ADCY4: variants seen among roughly 807,000 people sequenced by gnomAD.
The protein encoded by ADCY4 is adenylate cyclase 4.
Under a neutral mutation model 125.5 loss-of-function variants are expected in ADCY4, and 111 were observed. The observed-to-expected ratio is 0.88, with a 90% CI of 0.76 to 1.04. ADCY4 has a LOEUF of 1.04. Among genes scored for constraint, ADCY4 ranks in the 50% least tolerant of loss-of-function variants. ADCY4 has a pLI of 0.00. For missense variants in ADCY4, 1,256 were observed against 1,382.9 expected (o/e 0.91, Z 1.46); for synonymous variants, 576 against 586.9 (o/e 0.98, Z 0.27).
rs1354419711 is a variant in ADCY4, at chr14:24,330,951, C to T, written c.930+67G>A. The T allele has an allele frequency of 4.1e-6, 6 of 1,455,906 alleles. No homozygotes were observed. The Admixed American group carries it at 1.3e-4, about 31-fold the overall frequency. 90.2% of individuals were successfully genotyped at this position (1,455,906 alleles called of 1,614,324 possible). A position where few individuals can be genotyped will look rare whatever the true frequency, so the allele number is the denominator to read the frequency against. ...GGGATCTTATAAGGTGGGAGTTTCCCTTGGAAGGGGCTACCCAGGATGGGA... is the reference window on the plus strand; with the variant it reads ...GGGATCTTATAAGGTGGGAGTTTCCTTTGGAAGGGGCTACCCAGGATGGGA... On this transcript the variant is annotated intron_variant, in intron 6 of 24. Transcript: ENST00000418030.
At chr14:24,321,092 CTTTTTTTT>C (rs113506596) in intron 20 of ADCY4, among the ~76,000 whole-genome samples, 12 of 120,246 alleles carry the variant, frequency 1.0e-4, no homozygotes, top group Non-Finnish European at 1.6e-4. Context: ...AATTGCATTT[CTTTTTTTT>C]TTTTTTTTTT....
rs1258264041 is a variant in ADCY4 at position 24,330,149 on chromosome 14, G to A, written c.1058+19C>T. 1 of 1,609,180 alleles carries A rather than the reference G, an allele frequency of 6.2e-7. No individual in the cohort carries two copies. Among genetic ancestry groups the A allele is most frequent in the South Asian group, 1.1e-5 (1 of 90,974 alleles). ...CACATCCACCCTCAGCATTCCTCTTGACCACCGCCTGAGCTGACCTGATGG... is the reference window on the plus strand; with the variant it reads ...CACATCCACCCTCAGCATTCCTCTTAACCACCGCCTGAGCTGACCTGATGG... On this transcript the variant is annotated intron_variant, in intron 7 of 24. Coordinates refer to ENST00000418030, the MANE Select transcript of ADCY4 (RefSeq NM_001198568.2).
intron 4 of ADCY4, 31 bp from the exon 5 acceptor site, chr14:24,331,387 T>C: frequency 6.2e-7 from 1 of 1,611,868 alleles, no homozygotes; most frequent in Non-Finnish European, 8.5e-7. Flanking sequence ...CACCAACTCT[T>C]CTGCACCCTA....
chr14:24,325,360 G>C lies in ADCY4; in HGVS notation c.1823+17C>G, dbSNP rs1566435321. 1 of 1,608,604 alleles carries C rather than the reference G, an allele frequency of 6.2e-7. No individual in the cohort carries two copies. The highest frequency in any genetic ancestry group is 2.2e-5 in the East Asian group (1 of 44,846). ...GCTTATGACAGCCAGGGCCTCCTTT[G>C]CCTGGGGCACTCTCACCTGTTTGTC... On this transcript the variant is annotated intron_variant, in intron 14 of 24. Coordinates refer to ENST00000418030, the MANE Select transcript of ADCY4 (RefSeq NM_001198568.2).
chr14:24,324,421 G>A (rs2041907630), intron 14 of ADCY4, 30 bp from the exon 15 acceptor site: 1 of 1,587,950 alleles, frequency 6.3e-7, no homozygotes, highest in Non-Finnish European at 8.6e-7. Context: ...AGGCCTTGAA[G>A]TGCCAGAACA....
At position 24,329,430 on chromosome 14, in the gene ADCY4, C is replaced by A. The variant is rs755328408; in HGVS notation, c.1321G>T (p.Glu441Ter). 6.4e-7 allele frequency: 1 copy of A among 1,569,908 alleles called. No individual in the cohort carries two copies. ...HRDPYLRELG[E>*]PTYLVIDPRA... ...GGATCGATGACCAGATAGGTAGGCTCCCCTAGCTCCCGAAGGTAGGGGTCC... is the reference window on the plus strand; with the variant it reads ...GGATCGATGACCAGATAGGTAGGCTACCCTAGCTCCCGAAGGTAGGGGTCC... The change falls in exon 9 of 25, where the codon GAG becomes TAG. Residue 441 changes from glutamate to a stop codon, truncating the protein, a stop_gained. Transcript: ENST00000418030. LOFTEE classifies it high-confidence loss of function.
At position 24,331,919 on chromosome 14, in the gene ADCY4, G is replaced by C; in HGVS notation, c.538C>G (p.Leu180Val). Residue 180 changes from leucine to valine, a missense_variant, in exon 4 of 25, where the codon CTG becomes GTG. By Grantham distance (32) the Leu-to-Val change is conservative. Transcript: ENST00000418030. ...CCTGCCACGTTCCCGCACAGGAACA[G>C]CACTGCGTTTGCTGCCAACTGTGGG... is the stretch of plus-strand genomic sequence containing the variant. ...LLPQLAANAV[L>V]FLCGNVAGVY... The C allele has an allele frequency of 6.4e-7, 1 of 1,569,196 alleles. No individual in the cohort carries two copies. The highest frequency in any genetic ancestry group is 8.7e-7 in the Non-Finnish European group (1 of 1,149,364).
At chr14:24,325,572 C>T (rs946594298) in intron 13 of ADCY4, 98 bp from the exon 14 acceptor site, 41 of 1,109,952 alleles carry the variant, frequency 3.7e-5, no homozygotes, top group Middle Eastern at 2.6e-4. Flanking sequence ...TCAGCCTCAC[C>T]GCCCAGGCTC....
chr14:24,321,729 G>A (rs1307903373), intron 20 of ADCY4: 1 of 949,052 alleles, frequency 1.1e-6, no homozygotes, highest in Non-Finnish European at 1.3e-6. Flanking sequence ...CTGCTGTGTA[G>A]CCCAGTTCCC....
intron 4 of ADCY4, 36 bp from the exon 5 acceptor site, chr14:24,331,392 A>G: frequency 6.2e-7 from 1 of 1,610,818 alleles, no homozygotes; most frequent in South Asian, 1.1e-5. Context: ...ACTCTTCTGC[A>G]CCCTAAAGCC....
Position 24,319,626 on chromosome 14 carries a change from G to T in ADCY4, c.2733+116C>A. 1 of 1,365,526 alleles carries T rather than the reference G, an allele frequency of 7.3e-7. No homozygotes were observed. Among genetic ancestry groups the T allele is most frequent in the Non-Finnish European group, 1.0e-6 (1 of 972,548 alleles). 84.6% of individuals were successfully genotyped at this position (1,365,526 alleles called of 1,614,324 possible). ...ATCTGGGGGATCAGAGGAGGTGAGG[G>T]AGTACTGTGGAGGGGAGGATTGACT... On this transcript the variant is annotated intron_variant, in intron 21 of 24. Transcript: ENST00000418030. The surrounding 1 kb of genome is among the most constrained non-coding windows in gnomAD (Gnocchi z 4.5).
Position 24,318,565 on chromosome 14 carries a change from TC to T in ADCY4, c.3084del (p.Thr1029LeufsTer23). On this transcript the variant is annotated frameshift_variant and splice_region_variant, in exon 25 of 25. Coordinates refer to ENST00000418030, the MANE Select transcript of ADCY4 (RefSeq NM_001198568.2). LOFTEE classifies it high-confidence loss of function. ...ESTGVLGKIQ[V>X]TEETAWALQS... is the part of the protein sequence containing the mutation. ...TGTAGGGCCCATGCTGTCTCCTCAG[TC>T]ACCTACAATTGGAGGGGGGCGAGGG... 6.2e-7 allele frequency: 1 copy of T among 1,614,094 alleles called. No individual in the cohort carries two copies. The highest frequency in any genetic ancestry group is 8.5e-7 in the Non-Finnish European group (1 of 1,179,992).
chr14:24,322,757 C>A (rs377081666), intron 18 of ADCY4, 49 bp from the exon 19 acceptor site: 2 of 1,594,928 alleles, frequency 1.3e-6, no homozygotes, highest in Middle Eastern at 1.7e-4. Context: ...CCCTTCCTGG[C>A]CTTCTCCCTG....
In ADCY4 at chr14:24,329,794, A is replaced by G. The variant is rs116356318; in HGVS notation, c.1217+66T>C. ...GTGCTTATCTTAAGGAACTAATGAA[A>G]GGATGGCAGCCTGTGGTAGGCCTGG... On this transcript the variant is annotated intron_variant, in intron 8 of 24. Coordinates refer to ENST00000418030, the MANE Select transcript of ADCY4 (RefSeq NM_001198568.2). 5.3e-4 allele frequency: 826 copies of G among 1,570,436 alleles called. 4 individuals are homozygous for G. In the African/African-American group the frequency reaches 9.7e-3, roughly 18 times the overall value.
Position 24,329,898 on chromosome 14 carries a change from G to C in ADCY4, c.1179C>G (p.Val393=), listed in dbSNP as rs530376382. The C allele has an allele frequency of 1.4e-5, 23 of 1,614,108 alleles. No individual in the cohort carries two copies. In the South Asian group the frequency reaches 2.4e-4, roughly 17 times the overall value. The change falls in exon 8 of 25, where the codon GTC becomes GTG. Residue 393 remains valine, a synonymous_variant. Coordinates refer to ENST00000418030, the MANE Select transcript of ADCY4 (RefSeq NM_001198568.2). ...KWQYDVWSHD[V]TLANHMEAGG... Reference sequence around the variant, plus strand: ...CTGCCTCCATGTGGTTAGCCAGTGTGACATCATGTGACCAAACGTCGTACT... The same window carrying C: ...CTGCCTCCATGTGGTTAGCCAGTGTCACATCATGTGACCAAACGTCGTACT...
At chr14:24,326,446 G>T in intron 10 of ADCY4, 104 bp from the exon 11 acceptor site, 2 of 1,356,114 alleles carry the variant, frequency 1.5e-6, no homozygotes, top group African/African-American at 2.9e-5. Context: ...TTGACCTTGG[G>T]CATTTCACTG....
intron 20 of ADCY4, 144 bp downstream of exon 20, chr14:24,321,922 G>A: frequency 7.1e-7 from 1 of 1,403,138 alleles, no homozygotes. Flanking sequence ...CTAAGATGTT[G>A]TGAAAACAAA....
chr14:24,322,374 G>C, intron 19 of ADCY4, 150 bp from the exon 20 acceptor site: 1 of 954,372 alleles, frequency 1.0e-6, no homozygotes, highest in Non-Finnish European at 1.5e-6. Flanking sequence ...TACTTGGAGA[G>C]AGACTATCCT....
chr14:24,319,051 G>C lies in ADCY4; in HGVS notation c.2956+47C>G. The C allele has an allele frequency of 6.2e-7, 1 of 1,601,996 alleles. No homozygotes were observed. Among genetic ancestry groups the C allele is most frequent in the Non-Finnish European group, 8.5e-7 (1 of 1,169,816 alleles). ...AAGGACTTGGAGTGGGGCAAGCTCAGGAAGGTGAGGAGGTACCAGACTGCT... is the reference window on the plus strand; with the variant it reads ...AAGGACTTGGAGTGGGGCAAGCTCACGAAGGTGAGGAGGTACCAGACTGCT... On this transcript the variant is annotated intron_variant, in intron 23 of 24. Coordinates refer to ENST00000418030, the MANE Select transcript of ADCY4 (RefSeq NM_001198568.2). This position sits in a 1 kb window ranked among gnomAD's most constrained non-coding sequence, Gnocchi z 4.5.
Sources: allele counts gnomAD v4.1 joint callset (sites outside exome capture counted in the v4.1 genomes callset), GRCh38; gene constraint gnomAD v4.1.1; non-coding constraint Gnocchi (gnomAD v3.1); transcripts MANE v1.5; gene names NCBI Gene and HGNC (gene_info 2026-07-23, HGNC 2026-07-21).